The following ATRNL1 variants were observed in gnomAD, a reference collection of about 807,000 sequenced individuals.
ATRNL1 encodes the protein attractin like 1.
Under a neutral mutation model 182.7 loss-of-function variants are expected in ATRNL1, and 95 were observed. That is an observed-to-expected ratio of 0.52 (90% CI 0.44 to 0.62). The LOEUF is 0.62. Among genes scored for constraint, ATRNL1 ranks in the 20% least tolerant of loss-of-function variants. ATRNL1 has a pLI of 0.00. For synonymous variants in ATRNL1, 576 were observed against 568.3 expected, an observed-to-expected ratio of 1.01 and a Z score of -0.19; for missense variants, 1,471 against 1,679.5, an observed-to-expected ratio of 0.88 and a Z score of 2.17.
intron 9 of ATRNL1, among the ~76,000 whole-genome samples, chr10:115,218,084 AT>A (rs1849299974): frequency 6.6e-6 from 1 of 151,918 alleles, no homozygotes; most frequent in African/African-American, 2.4e-5. Context: ...TATTTCTATT[AT>A]TTTTATTACA....
At chr10:115,931,947 C>T (rs148720883) in intron 28 of ATRNL1, among the ~76,000 whole-genome samples, 449 of 152,232 alleles carry the variant, frequency 2.9e-3, no homozygotes, top group African/African-American at 1.0e-2. Context: ...AGTGTTTACC[C>T]CCCTGGATAT....
chr10:115,201,273 GC>G (rs1848567826), intron 8 of ATRNL1, among the ~76,000 whole-genome samples: 1 of 151,970 alleles, frequency 6.6e-6, no homozygotes, highest in Admixed American at 6.6e-5. Context: ...TGTTGCCATT[GC>G]TTTTGGTGTT....
intron 28 of ATRNL1, among the ~76,000 whole-genome samples, chr10:115,913,133 T>C (rs1011592455): frequency 1.3e-5 from 2 of 152,256 alleles, no homozygotes; most frequent in Admixed American, 6.5e-5. Flanking sequence ...AAGTACTTTA[T>C]GAACTAAATT....
intron 24 of ATRNL1, among the ~76,000 whole-genome samples, chr10:115,493,444 T>C (rs1849405408): frequency 6.6e-6 from 1 of 152,178 alleles, no homozygotes; most frequent in Admixed American, 6.5e-5. Flanking sequence ...GAGGACATGA[T>C]TTTGTTCTTT....
At chr10:115,565,514 T>A (rs1160961980) in intron 26 of ATRNL1, among the ~76,000 whole-genome samples, 1 of 152,018 alleles carries the variant, frequency 6.6e-6, no homozygotes, top group Non-Finnish European at 1.5e-5. Flanking sequence ...TGTTGAGTAA[T>A]GGTACAGACT....
At chr10:115,694,478 T>G (rs1946490899) in intron 26 of ATRNL1, among the ~76,000 whole-genome samples, 1 of 151,952 alleles carries the variant, frequency 6.6e-6, no homozygotes, top group South Asian at 2.1e-4. Flanking sequence ...CAGGTAGCAA[T>G]GTTAAAACTT....
intron 27 of ATRNL1, among the ~76,000 whole-genome samples, chr10:115,775,989 A>T (rs1555077858): frequency 6.6e-6 from 1 of 151,806 alleles, no homozygotes; most frequent in East Asian, 1.9e-4. Context: ...GAGAAAATGA[A>T]TTTACAGAAA....
intron 8 of ATRNL1, among the ~76,000 whole-genome samples, chr10:115,211,756 T>TC (rs1849034610): frequency 7.6e-6 from 1 of 131,932 alleles, no homozygotes; most frequent in East Asian, 2.7e-4. Flanking sequence ...ATGCTATCCC[T>TC]CCCCCCTCCC....
chr10:115,172,920 A>G (rs185503201), intron 8 of ATRNL1, among the ~76,000 whole-genome samples: 2 of 151,516 alleles, frequency 1.3e-5, no homozygotes, highest in East Asian at 3.9e-4. Flanking sequence ...CCTTAATGAC[A>G]TCTGGAACTT....
At chr10:115,730,086 A>G (rs568464438) in intron 27 of ATRNL1, among the ~76,000 whole-genome samples, 6 of 151,582 alleles carry the variant, frequency 4.0e-5, no homozygotes, top group Non-Finnish European at 8.8e-5. Flanking sequence ...GTGAAACGCC[A>G]TCTCTACTGA....
chr10:115,812,531 C>T (rs1555087278), intron 27 of ATRNL1, among the ~76,000 whole-genome samples: 3 of 152,196 alleles, frequency 2.0e-5, no homozygotes, highest in African/African-American at 7.2e-5. Context: ...AGCTGGAGTG[C>T]AATGGCACGA....
chr10:115,287,790 A>G (rs1347770897), intron 15 of ATRNL1, among the ~76,000 whole-genome samples: 1 of 152,074 alleles, frequency 6.6e-6, no homozygotes, highest in Non-Finnish European at 1.5e-5. Context: ...TTATTATAGA[A>G]CATTAGAACT....
chr10:115,366,418 ACGTGAGATGGGTTT>A (rs1398712065), intron 19 of ATRNL1, among the ~76,000 whole-genome samples: 1 of 152,054 alleles, frequency 6.6e-6, no homozygotes, highest in African/African-American at 2.4e-5. Flanking sequence ...GTGTCTCTAC[ACGTGAGATGGGTTT>A]CCTGAATACA....
At chr10:115,133,759 A>G (rs549513469) in intron 5 of ATRNL1, among the ~76,000 whole-genome samples, 16 of 152,314 alleles carry the variant, frequency 1.1e-4, no homozygotes, top group African/African-American at 3.9e-4. Context: ...TCTCAGCACC[A>G]CATTGCACTT....
chr10:115,132,365 A>G (rs1473942723), intron 5 of ATRNL1, among the ~76,000 whole-genome samples: 18 of 152,070 alleles, frequency 1.2e-4, no homozygotes, highest in African/African-American at 3.9e-4. Flanking sequence ...AGTCTTTGCT[A>G]TTGTGAATAG....
intron 25 of ATRNL1, among the ~76,000 whole-genome samples, chr10:115,523,012 T>G (rs1851025333): frequency 6.6e-6 from 1 of 152,162 alleles, no homozygotes; most frequent in South Asian, 2.1e-4. Context: ...ACCGCATATT[T>G]CTGCTCAGCA....
At chr10:115,218,972 C>T (rs1849336357) in intron 9 of ATRNL1, among the ~76,000 whole-genome samples, 1 of 152,166 alleles carries the variant, frequency 6.6e-6, no homozygotes, top group Non-Finnish European at 1.5e-5. Context: ...TACAGTGGCT[C>T]ACGCCTGTAA....
chr10:115,228,846 A>G (rs1447777829), intron 9 of ATRNL1, among the ~76,000 whole-genome samples: 2 of 150,846 alleles, frequency 1.3e-5, no homozygotes, highest in Non-Finnish European at 1.5e-5. Context: ...GCTCACTGCA[A>G]CCTCTGCCTC....
intron 11 of ATRNL1, among the ~76,000 whole-genome samples, chr10:115,266,147 TTAA>T (rs1471894945): frequency 1.3e-5 from 2 of 151,812 alleles, no homozygotes; most frequent in Non-Finnish European, 3.0e-5. Flanking sequence ...ATTTATTATG[TTAA>T]TAATATTTTT....
Sources: gnomAD v4.1 joint callset for allele counts (sites outside exome capture counted in the v4.1 genomes callset) on GRCh38, gnomAD v4.1.1 for gene constraint, MANE v1.5 for transcripts, NCBI Gene and HGNC (gene_info 2026-07-23, HGNC 2026-07-21) for gene names.